Variants in KCNIP4 observed in about 807,000 individuals in gnomAD.
KCNIP4 encodes potassium voltage-gated channel interacting protein 4.
In KCNIP4, 12 loss-of-function variants were observed where a neutral mutation model predicts 34.0. That is an observed-to-expected ratio of 0.35 (90% CI 0.23 to 0.57). The LOEUF is 0.57. KCNIP4 is among the 20% of genes least tolerant of loss of function. The probability of loss-of-function intolerance (pLI) is 0.83; values close to 1 mark genes in which losing one functional copy is unlikely to be tolerated. For missense variants in KCNIP4, 238 were observed against 311.7 expected (o/e 0.76, Z 1.78); for synonymous variants, 124 against 102.2 (o/e 1.21, Z -1.29).
At chr4:21,674,694 C>T (rs1042929973) in intron 1 of KCNIP4, among the ~76,000 whole-genome samples, 5 of 152,076 alleles carry the variant, frequency 3.3e-5, no homozygotes, top group African/African-American at 1.2e-4. Context: ...AATCCTATAT[C>T]ATACCACTTT....
intron 1 of KCNIP4, among the ~76,000 whole-genome samples, chr4:20,909,071 T>TA (rs1223216294): frequency 6.6e-6 from 1 of 152,204 alleles, no homozygotes; most frequent in Non-Finnish European, 1.5e-5. Context: ...AGCCATTACA[T>TA]AATCTGTTAC....
intron 1 of KCNIP4, among the ~76,000 whole-genome samples, chr4:21,182,241 C>T (rs1175532089): frequency 6.6e-6 from 1 of 152,070 alleles, no homozygotes; most frequent in Non-Finnish European, 1.5e-5. Context: ...TGGAAGGAAA[C>T]ATTTCAGCAG....
intron 1 of KCNIP4, among the ~76,000 whole-genome samples, chr4:21,076,656 T>C (rs1166916730): frequency 6.6e-6 from 1 of 152,168 alleles, no homozygotes; most frequent in Non-Finnish European, 1.5e-5. Flanking sequence ...ACAATTCGTA[T>C]GTTAATTATC....
chr4:21,187,547 G>C (rs1296547133), intron 1 of KCNIP4, among the ~76,000 whole-genome samples: 1 of 152,160 alleles, frequency 6.6e-6, no homozygotes, highest in African/African-American at 2.4e-5. Context: ...GCTAGGAACA[G>C]AGGGAAATGC....
chr4:20,879,081 G>T (rs1724390569), intron 2 of KCNIP4, among the ~76,000 whole-genome samples: 1 of 152,104 alleles, frequency 6.6e-6, no homozygotes, highest in African/African-American at 2.4e-5. Context: ...ATCTGGCTGT[G>T]CATTCATCCG....
intron 1 of KCNIP4, among the ~76,000 whole-genome samples, chr4:21,921,542 T>A (rs1466376795): frequency 6.6e-6 from 1 of 152,170 alleles, no homozygotes; most frequent in African/African-American, 2.4e-5. Context: ...CAAAACCGAA[T>A]TGGTTTTTCA....
chr4:20,783,556 C>T (rs1711530468), intron 3 of KCNIP4, among the ~76,000 whole-genome samples: 1 of 152,164 alleles, frequency 6.6e-6, no homozygotes, highest in Admixed American at 6.5e-5. Flanking sequence ...GACTTATTCA[C>T]TACCATGAGA....
chr4:21,513,121 T>G (rs1734471942), intron 1 of KCNIP4, among the ~76,000 whole-genome samples: 1 of 152,176 alleles, frequency 6.6e-6, no homozygotes, highest in Non-Finnish European at 1.5e-5. Context: ...CACTAGTCAT[T>G]TGTGGAGAAA....
intron 1 of KCNIP4, among the ~76,000 whole-genome samples, chr4:21,353,892 C>G (rs1211463550): frequency 6.6e-6 from 1 of 152,106 alleles, no homozygotes; most frequent in Non-Finnish European, 1.5e-5. Flanking sequence ...TAAGGGCAGC[C>G]AGAAAGAAAG....
At chr4:21,238,574 T>C (rs1055692050) in intron 1 of KCNIP4, among the ~76,000 whole-genome samples, 3 of 152,164 alleles carry the variant, frequency 2.0e-5, no homozygotes, top group African/African-American at 7.2e-5. Context: ...CAAGCATTCT[T>C]ATACACCAAT....
intron 1 of KCNIP4, among the ~76,000 whole-genome samples, chr4:21,573,008 T>C (rs1462918403): frequency 6.6e-6 from 1 of 152,180 alleles, no homozygotes; most frequent in Non-Finnish European, 1.5e-5. Flanking sequence ...AAGATTCAGT[T>C]TGGTCTTCAT....
chr4:21,861,767 A>G (rs1257795894), intron 1 of KCNIP4, among the ~76,000 whole-genome samples: 3 of 151,754 alleles, frequency 2.0e-5, no homozygotes, highest in Admixed American at 6.6e-5. Context: ...GCCACCGACC[A>G]TTGTTCTTTC....
At chr4:21,574,976 AT>A (rs1361598217) in intron 1 of KCNIP4, among the ~76,000 whole-genome samples, 1 of 152,220 alleles carries the variant, frequency 6.6e-6, no homozygotes, top group Non-Finnish European at 1.5e-5. Flanking sequence ...TTTAGTAAAA[AT>A]ATCCATGAAC....
chr4:21,777,710 A>G (rs967169149), intron 1 of KCNIP4, among the ~76,000 whole-genome samples: 1 of 152,218 alleles, frequency 6.6e-6, no homozygotes, highest in Admixed American at 6.5e-5. Flanking sequence ...TAGGCAAATA[A>G]ATATATACTC....
At chr4:21,364,972 T>C (rs1719593738) in intron 1 of KCNIP4, among the ~76,000 whole-genome samples, 1 of 152,088 alleles carries the variant, frequency 6.6e-6, no homozygotes, top group African/African-American at 2.4e-5. Flanking sequence ...TGAGGAATTA[T>C]GGTATTCGTT....
chr4:21,677,441 C>A (rs1405285636), intron 1 of KCNIP4, among the ~76,000 whole-genome samples: 1 of 152,144 alleles, frequency 6.6e-6, no homozygotes, highest in African/African-American at 2.4e-5. Context: ...CTTGAAGCTA[C>A]CTCTTTATTG....
chr4:21,300,012 A>G (rs1401749412), intron 1 of KCNIP4, among the ~76,000 whole-genome samples: 1 of 152,144 alleles, frequency 6.6e-6, no homozygotes, highest in Non-Finnish European at 1.5e-5. Flanking sequence ...TTGTCTTTTT[A>G]TCAAAGATAA....
intron 1 of KCNIP4, among the ~76,000 whole-genome samples, chr4:21,810,274 C>A (rs1721551162): frequency 6.6e-6 from 1 of 152,186 alleles, no homozygotes; most frequent in South Asian, 2.1e-4. Flanking sequence ...TATTCAATAG[C>A]ATAAAATCAT....
At chr4:21,226,354 A>AGAAGGAAGAGAAG (rs1758399067) in intron 1 of KCNIP4, among the ~76,000 whole-genome samples, 1 of 135,834 alleles carries the variant, frequency 7.4e-6, no homozygotes, top group Non-Finnish European at 1.5e-5. Flanking sequence ...GAGAAGGAAG[A>AGAAGGAAGAGAAG]GAAGGAAGGA....
Sources: allele counts gnomAD v4.1 joint callset (sites outside exome capture counted in the v4.1 genomes callset), GRCh38; gene constraint gnomAD v4.1.1; transcripts MANE v1.5; gene names NCBI Gene and HGNC (gene_info 2026-07-23, HGNC 2026-07-21).